ARB2A: variants seen among roughly 807,000 people sequenced by gnomAD.
The protein encoded by ARB2A is cotranscriptional regulator ARB2A.
chr5:93,960,146 A>AAAAATAAAATAAAAT, the ARB2A span, among the ~76,000 whole-genome samples: 2 of 142,874 alleles, frequency 1.4e-5, no homozygotes, highest in Non-Finnish European at 3.1e-5. Context: ...TTAGGAAGAG[A>AAAAATAAAATAAAAT]AAAATAAAAT....
the ARB2A span, among the ~76,000 whole-genome samples, chr5:93,795,536 C>T: frequency 6.6e-6 from 1 of 152,130 alleles, no homozygotes; most frequent in African/African-American, 2.4e-5. Context: ...ATGTGAGCCT[C>T]CACACACTGC....
At chr5:93,749,705 G>T in the ARB2A span, among the ~76,000 whole-genome samples, 2 of 152,094 alleles carry the variant, frequency 1.3e-5, no homozygotes, top group African/African-American at 4.8e-5. Flanking sequence ...CCTGGTAAAT[G>T]CTGACATACA....
the ARB2A span, among the ~76,000 whole-genome samples, chr5:93,974,394 G>A: frequency 3.3e-5 from 5 of 152,050 alleles, no homozygotes; most frequent in Non-Finnish European, 7.4e-5. Context: ...ATGATAAAGG[G>A]TTTTATTCAA....
chr5:93,850,415 C>T, the ARB2A span, among the ~76,000 whole-genome samples: 6 of 152,084 alleles, frequency 3.9e-5, no homozygotes, highest in Non-Finnish European at 8.8e-5. Flanking sequence ...GGTAGGTGTG[C>T]AGGTATGTAC....
chr5:93,776,040 T>C, the ARB2A span: 4 of 791,322 alleles, frequency 5.1e-6, no homozygotes, highest in Non-Finnish European at 8.1e-6. Flanking sequence ...TACCAATAAT[T>C]CATCTAACAA....
the ARB2A span, among the ~76,000 whole-genome samples, chr5:93,835,126 C>T: frequency 5.9e-5 from 9 of 152,134 alleles, no homozygotes; most frequent in Non-Finnish European, 1.3e-4. Context: ...GGTGGAATTT[C>T]CTAATGTACT....
At chr5:93,706,286 C>T in the ARB2A span, among the ~76,000 whole-genome samples, 1 of 152,074 alleles carries the variant, frequency 6.6e-6, no homozygotes, top group African/African-American at 2.4e-5. Context: ...ATGAAAGAAG[C>T]CAGCCACAAA....
chr5:93,705,651 GTATATATA>G, the ARB2A span, among the ~76,000 whole-genome samples: 3 of 132,872 alleles, frequency 2.3e-5, no homozygotes, highest in African/African-American at 8.6e-5. Flanking sequence ...GTGTGTGTGT[GTATATATA>G]TATATATATG....
the ARB2A span, among the ~76,000 whole-genome samples, chr5:93,659,893 C>CTGAA: frequency 7.9e-5 from 12 of 152,128 alleles, no homozygotes; most frequent in Non-Finnish European, 1.8e-4. Context: ...CACAATGCAC[C>CTGAA]TGAAGTTCCA....
At chr5:93,755,701 G>A in the ARB2A span, among the ~76,000 whole-genome samples, 1 of 152,340 alleles carries the variant, frequency 6.6e-6, no homozygotes, top group Admixed American at 6.5e-5. Context: ...AAATACAGGG[G>A]TAGAGGAAGC....
At chr5:94,096,569 C>G in the ARB2A span, among the ~76,000 whole-genome samples, 3 of 152,134 alleles carry the variant, frequency 2.0e-5, no homozygotes, top group Admixed American at 2.0e-4. Context: ...TACAAGGGCC[C>G]AAATCCACAG....
chr5:93,836,085 T>C, the ARB2A span, among the ~76,000 whole-genome samples: 1 of 152,186 alleles, frequency 6.6e-6, no homozygotes, highest in Non-Finnish European at 1.5e-5. Context: ...TGGAGTGCAG[T>C]GGTGCAATCT....
At chr5:93,934,400 C>T in the ARB2A span, among the ~76,000 whole-genome samples, 5 of 152,178 alleles carry the variant, frequency 3.3e-5, no homozygotes. Context: ...GTTGCTTACA[C>T]AACAACCATT....
the ARB2A span, among the ~76,000 whole-genome samples, chr5:93,871,375 C>A: frequency 6.6e-6 from 1 of 152,032 alleles, no homozygotes; most frequent in South Asian, 2.1e-4. Context: ...CAAGACAGAC[C>A]AATGGATTTT....
the ARB2A span, among the ~76,000 whole-genome samples, chr5:93,721,981 C>T: frequency 2.0e-5 from 3 of 152,096 alleles, no homozygotes; most frequent in Non-Finnish European, 4.4e-5. Context: ...TACTAAAATA[C>T]CTAGCATTTC....
the ARB2A span, among the ~76,000 whole-genome samples, chr5:94,093,438 T>G: frequency 8.1e-4 from 124 of 152,282 alleles, no homozygotes; most frequent in African/African-American, 2.9e-3. Flanking sequence ...TTCAGAAGAC[T>G]GCATTCTTAC....
At chr5:93,939,301 T>A in the ARB2A span, among the ~76,000 whole-genome samples, 1 of 152,130 alleles carries the variant, frequency 6.6e-6, no homozygotes, top group Non-Finnish European at 1.5e-5. Context: ...TTTTAATAAG[T>A]AAGAAATAAA....
the ARB2A span, among the ~76,000 whole-genome samples, chr5:93,938,416 T>C: frequency 6.6e-6 from 1 of 152,182 alleles, no homozygotes; most frequent in Non-Finnish European, 1.5e-5. Flanking sequence ...ATTTTAATTG[T>C]TTATATAGTA....
chr5:93,927,998 CT>C, the ARB2A span, among the ~76,000 whole-genome samples: 13,718 of 147,152 alleles, frequency 0.093, 793 homozygotes, highest in Middle Eastern at 0.17. Flanking sequence ...TTACCAATTC[CT>C]TTTTTTTTTT....
Sources: allele counts gnomAD v4.1 joint callset (sites outside exome capture counted in the v4.1 genomes callset), GRCh38; gene constraint gnomAD v4.1.1; transcripts MANE v1.5; gene names NCBI Gene and HGNC (gene_info 2026-07-23, HGNC 2026-07-21).